Variants in PLEKHA2 observed in about 807,000 individuals in gnomAD.
The protein encoded by PLEKHA2 is pleckstrin homology domain containing A2, also known as pleckstrin homology domain-containing family A member 2.
In PLEKHA2, 28 loss-of-function variants were observed where a neutral mutation model predicts 53.2. The observed-to-expected ratio is 0.53, with a 90% CI of 0.39 to 0.72. The LOEUF is 0.72. PLEKHA2 is among the 30% of genes least tolerant of loss of function. The pLI, the probability that PLEKHA2 is intolerant of heterozygous loss-of-function variation, is 0.00. For synonymous variants in PLEKHA2, 193 were observed against 196.4 expected (o/e 0.98, Z 0.14); for missense variants, 426 against 537.9 (o/e 0.79, Z 2.06).
At chr8:38,957,474 T>C in intron 10 of PLEKHA2, 88 bp downstream of exon 10, 1 of 1,180,132 alleles carries the variant, frequency 8.5e-7, no homozygotes, top group Non-Finnish European at 1.2e-6. Flanking sequence ...GCTTTCTCTT[T>C]TCATTTGCTT....
chr8:38,938,895 TTTTTC>T (rs1351428533), intron 3 of PLEKHA2, among the ~76,000 whole-genome samples: 110 of 136,394 alleles, frequency 8.1e-4, no homozygotes, highest in African/African-American at 2.8e-3. Context: ...TTGGCCTTTC[TTTTTC>T]TTTTTTTTTT....
At chr8:38,931,605 T>C (rs1834394833) in intron 2 of PLEKHA2, among the ~76,000 whole-genome samples, 1 of 152,206 alleles carries the variant, frequency 6.6e-6, no homozygotes, top group Admixed American at 6.5e-5. Context: ...TGTTTGCCGG[T>C]GGTGGGCAGA....
rs995497142 is a variant in PLEKHA2, at chr8:38,969,457, C to T, written c.952C>T (p.Pro318Ser). ...SFSRSISLTR[P>S]GSSSLSSGPN... is the part of the protein sequence containing the mutation. ...TTCTAGATCCATTTCTTTGACCCGA[C>T]CTGGAAGCTCCAGCCTTTCAAGTGG... Residue 318 changes from proline to serine, a missense_variant, in exon 12 of 12, where the codon CCT (proline) becomes TCT (serine). By Grantham distance (74) the Pro-to-Ser change is moderately conservative. Transcript: ENST00000617275. The T allele has an allele frequency of 3.7e-6, 6 of 1,613,640 alleles. No individual in the cohort carries two copies. The highest frequency in any genetic ancestry group is 4.2e-6 in the Non-Finnish European group (5 of 1,179,830).
In PLEKHA2 at chr8:38,972,669, A is replaced by C. The variant is rs764646172; in HGVS notation, c.*2886A>C. 12 of 152,224 alleles carry C rather than the reference A, an allele frequency of 7.9e-5. No individual in the cohort carries two copies. Among genetic ancestry groups the C allele is most frequent in the Non-Finnish European group, 1.2e-4 (8 of 68,044 alleles). 9.4% of individuals were successfully genotyped at this position (152,224 alleles called of 1,614,324 possible). ...AAGATGGTACGTATTTGACCAAAGC[A>C]GTTAGTTTTAAATGTATAAAATTGA... On this transcript the variant is annotated 3_prime_UTR_variant, in exon 12 of 12. Coordinates refer to ENST00000617275, the MANE Select transcript of PLEKHA2 (RefSeq NM_021623.2).
At position 38,972,970 on chromosome 8, in the gene PLEKHA2, C is replaced by G. The variant is rs1212132712; in HGVS notation, c.*3187C>G. ...TTTTATTTTTAGAAACAGTGTTTCA[C>G]TCTGTCACCCAGGCTGGAGTGCAGT... is the stretch of plus-strand genomic sequence containing the variant. On this transcript the variant is annotated 3_prime_UTR_variant, in exon 12 of 12. Coordinates refer to ENST00000617275, the MANE Select transcript of PLEKHA2 (RefSeq NM_021623.2). 6.6e-6 allele frequency: 1 copy of G among 152,142 alleles called. No individual in the cohort carries two copies. The highest frequency in any genetic ancestry group is 1.9e-4 in the East Asian group (1 of 5,188). The allele number at this position is 152,142 out of a possible 1,614,324, so 9.4% of individuals were successfully genotyped here.
intron 6 of PLEKHA2, 30 bp downstream of exon 6, chr8:38,951,020 A>T: frequency 1.5e-6 from 2 of 1,346,514 alleles, no homozygotes; most frequent in Admixed American, 2.2e-5. Flanking sequence ...CTGCGGGGGG[A>T]GTGGGGGTGT....
intron 5 of PLEKHA2, among the ~76,000 whole-genome samples, chr8:38,946,757 T>C (rs1834723022): frequency 6.6e-6 from 1 of 152,102 alleles, no homozygotes; most frequent in African/African-American, 2.4e-5. Flanking sequence ...AGTTGGCTAA[T>C]GAAGAATTCC....
At chr8:38,959,619 G>C (rs975813734) in intron 10 of PLEKHA2, among the ~76,000 whole-genome samples, 8 of 152,234 alleles carry the variant, frequency 5.3e-5, no homozygotes, top group African/African-American at 1.9e-4. Flanking sequence ...GAAGAGAAAA[G>C]GCTAAGATAG....
intron 4 of PLEKHA2, among the ~76,000 whole-genome samples, chr8:38,944,548 A>G (rs1180260392): frequency 2.6e-5 from 4 of 152,134 alleles, no homozygotes; most frequent in Non-Finnish European, 4.4e-5. Flanking sequence ...TGCAGGCTCT[A>G]TGGGGCCAGA....
intron 2 of PLEKHA2, among the ~76,000 whole-genome samples, chr8:38,934,728 G>A (rs116282840): frequency 5.3e-5 from 8 of 152,224 alleles, no homozygotes; most frequent in Non-Finnish European, 1.0e-4. Flanking sequence ...TCCTGCTGTC[G>A]TGATAGTGCA....
In PLEKHA2 at chr8:38,953,387, C is replaced by G; in HGVS notation, c.773+20C>G. On this transcript the variant is annotated intron_variant, in intron 9 of 11. Transcript: ENST00000617275. ...GTCTGGGTAATTGTGTCTGCTTTTTCTCTTCTAATCCAAACCTCCATTTGT... is the reference window on the plus strand; with the variant it reads ...GTCTGGGTAATTGTGTCTGCTTTTTGTCTTCTAATCCAAACCTCCATTTGT... 6.3e-7 allele frequency: 1 copy of G among 1,581,454 alleles called. No homozygotes were observed. The highest frequency in any genetic ancestry group is 8.7e-7 in the Non-Finnish European group (1 of 1,150,396).
chr8:38,951,934 G>A (rs967692470), intron 6 of PLEKHA2, among the ~76,000 whole-genome samples: 4 of 152,046 alleles, frequency 2.6e-5, no homozygotes, highest in African/African-American at 9.7e-5. Context: ...TTTTTTTGTA[G>A]AGACTGGGTC....
chr8:38,958,247 C>G (rs1265234961), intron 10 of PLEKHA2, among the ~76,000 whole-genome samples: 1 of 151,838 alleles, frequency 6.6e-6, no homozygotes, highest in Non-Finnish European at 1.5e-5. Flanking sequence ...TGCTTGAACC[C>G]GGGAGGCAGA....
intron 10 of PLEKHA2, among the ~76,000 whole-genome samples, chr8:38,966,881 G>C (rs1236642799): frequency 6.6e-6 from 1 of 151,720 alleles, no homozygotes; most frequent in Non-Finnish European, 1.5e-5. Flanking sequence ...GGCTTTTGCT[G>C]TAACCATCAC....
intron 2 of PLEKHA2, among the ~76,000 whole-genome samples, chr8:38,924,035 G>C (rs1588243671): frequency 1.3e-5 from 2 of 152,104 alleles, no homozygotes; most frequent in Admixed American, 1.3e-4. Flanking sequence ...TATTTTATTA[G>C]AGATGGGGGT....
rs1433567135 is a variant in PLEKHA2 at position 38,952,226 on chromosome 8, CAG to C, written c.550_551del (p.Ser184LeufsTer17). 6.2e-7 allele frequency: 1 copy of C among 1,613,094 alleles called. No individual in the cohort carries two copies. The highest frequency in any genetic ancestry group is 8.5e-7 in the Non-Finnish European group (1 of 1,179,610). On this transcript the variant is annotated frameshift_variant, in exon 7 of 12. Coordinates refer to ENST00000617275, the MANE Select transcript of PLEKHA2 (RefSeq NM_021623.2). LOFTEE classifies it high-confidence loss of function. ...GTCCCACACCATCCTTCGAAGGTCT[CAG>C]AGTTACATCCCCACGTCAGGCTGCC... ...PGSHTILRRS[Q>X]SYIPTSGCRA...
At chr8:38,921,283 C>T (rs1834189326) in intron 2 of PLEKHA2, among the ~76,000 whole-genome samples, 1 of 152,174 alleles carries the variant, frequency 6.6e-6, no homozygotes, top group Non-Finnish European at 1.5e-5. Context: ...GCAAGTCATT[C>T]GAATGGATTT....
At chr8:38,949,098 C>T (rs935128721) in intron 5 of PLEKHA2, among the ~76,000 whole-genome samples, 9 of 152,014 alleles carry the variant, frequency 5.9e-5, no homozygotes, top group African/African-American at 4.8e-5. Flanking sequence ...CTCGAACTCC[C>T]GACCTCAGGT....
At chr8:38,912,122 G>A (rs1396090961) in intron 1 of PLEKHA2, among the ~76,000 whole-genome samples, 1 of 152,176 alleles carries the variant, frequency 6.6e-6, no homozygotes, top group Non-Finnish European at 1.5e-5. Context: ...CCAACATGGT[G>A]AAACCCCATC....
Sources: gnomAD v4.1 joint callset for allele counts (sites outside exome capture counted in the v4.1 genomes callset) on GRCh38, gnomAD v4.1.1 for gene constraint, MANE v1.5 for transcripts, NCBI Gene and HGNC (gene_info 2026-07-23, HGNC 2026-07-21) for gene names.